Variants in SIPA1L3 observed in about 807,000 individuals in gnomAD.
SIPA1L3 encodes signal induced proliferation associated 1 like 3.
In SIPA1L3, 59 loss-of-function variants were observed where a neutral mutation model predicts 150.1. The observed-to-expected ratio is 0.39, with a 90% confidence interval of 0.32 to 0.49. The LOEUF is 0.49. Ranked by LOEUF, SIPA1L3 falls within the 20% of genes least tolerant of loss-of-function variation. SIPA1L3 has a pLI of 0.86. For missense variants in SIPA1L3, 2,211 were observed against 2,489.5 expected, an observed-to-expected ratio of 0.89 and a Z score of 2.38; for synonymous variants, 1,070 against 1,077.6, an observed-to-expected ratio of 0.99 and a Z score of 0.14.
chr19:38,164,575 C>G lies in SIPA1L3; in HGVS notation c.3877C>G (p.Pro1293Ala). The change falls in exon 15 of 22, where the codon CCC (proline) becomes GCC (alanine). Residue 1293 changes from proline to alanine, a missense_variant. Transcript: ENST00000222345. This position sits in a 1 kb window ranked among gnomAD's most constrained non-coding sequence, Gnocchi z 4.1. ...CGACCGCTGGTTCGACCCCCTGGAC[C>G]CCCTGGAGCCAGAGCAAGACCCCCT... Reference protein sequence around the residue: ...SDDRWFDPLDPLEPEQDPLSK... With the variant: ...SDDRWFDPLDALEPEQDPLSK... 2 of 1,614,126 alleles carry G rather than the reference C, an allele frequency of 1.2e-6. No individual in the cohort carries two copies. The highest frequency in any genetic ancestry group is 1.7e-6 in the Non-Finnish European group (2 of 1,180,020).
chr19:37,958,682 A>G (rs991858034), intron 1 of SIPA1L3, among the ~76,000 whole-genome samples: 12 of 152,222 alleles, frequency 7.9e-5, no homozygotes, highest in African/African-American at 2.9e-4. Flanking sequence ...AGAAAAAAAT[A>G]GACACATTGG....
chr19:38,121,267 T>C (rs1046733032), intron 9 of SIPA1L3, among the ~76,000 whole-genome samples: 2 of 151,974 alleles, frequency 1.3e-5, no homozygotes, highest in African/African-American at 4.8e-5. Flanking sequence ...TGAAACCCCA[T>C]CTCTACTAAA....
chr19:37,948,078 C>T (rs1208549722), intron 1 of SIPA1L3, among the ~76,000 whole-genome samples: 1 of 152,208 alleles, frequency 6.6e-6, no homozygotes, highest in Non-Finnish European at 1.5e-5. Flanking sequence ...TTAATGGTGG[C>T]CACTTAGGCA....
At chr19:37,959,957 C>T (rs2046842930) in intron 1 of SIPA1L3, among the ~76,000 whole-genome samples, 1 of 150,978 alleles carries the variant, frequency 6.6e-6, no homozygotes, top group Admixed American at 6.6e-5. Flanking sequence ...TTTTCTTTTC[C>T]CTCTTTTGTG....
chr19:37,922,695 G>A (rs1239813985), intron 1 of SIPA1L3, among the ~76,000 whole-genome samples: 6 of 151,744 alleles, frequency 4.0e-5, no homozygotes, highest in Non-Finnish European at 7.4e-5. Context: ...GCCCGGCCTT[G>A]ATTTTTAAAC....
At position 38,206,901 on chromosome 19, in the gene SIPA1L3, A is replaced by G. The variant is rs1973230269; in HGVS notation, c.*661A>G. 1 of 152,630 alleles carries G rather than the reference A, an allele frequency of 6.6e-6. No homozygotes were observed. The highest frequency in any genetic ancestry group is 1.5e-5 in the Non-Finnish European group (1 of 68,066). The allele number at this position is 152,630 out of a possible 1,614,324, so 9.5% of individuals were successfully genotyped here. A position where few individuals can be genotyped will look rare whatever the true frequency, so the allele number is the denominator to read the frequency against. Reference sequence around the variant, plus strand: ...CCTGAGGATAGAGAGAGGCAAGGCTAGCCTCCAGAGCCGATTTATTTGAGA... The same window carrying G: ...CCTGAGGATAGAGAGAGGCAAGGCTGGCCTCCAGAGCCGATTTATTTGAGA... On this transcript the variant is annotated 3_prime_UTR_variant, in exon 22 of 22. Coordinates refer to ENST00000222345, the MANE Select transcript of SIPA1L3 (RefSeq NM_015073.3).
intron 9 of SIPA1L3, among the ~76,000 whole-genome samples, chr19:38,124,078 G>A (rs1022870426): frequency 2.2e-4 from 33 of 150,152 alleles, no homozygotes; most frequent in Non-Finnish European, 3.3e-4. Flanking sequence ...CCTCCCGGAC[G>A]GGGCGGCTGG....
chr19:37,956,564 A>G (rs965212169), intron 1 of SIPA1L3, among the ~76,000 whole-genome samples: 5 of 147,824 alleles, frequency 3.4e-5, no homozygotes, highest in African/African-American at 1.3e-4. Flanking sequence ...GCTCACTGCA[A>G]TCTCTGCCTC....
chr19:38,000,896 A>ATATATATATATAACATATATATATATGT (rs1568495849), intron 1 of SIPA1L3, among the ~76,000 whole-genome samples: 20 of 19,586 alleles, frequency 1.0e-3, no homozygotes, highest in Admixed American at 4.7e-3. Flanking sequence ...TATATATGTT[A>ATATATATATATAACATATATATATATGT]TATATATATA....
intron 1 of SIPA1L3, among the ~76,000 whole-genome samples, chr19:37,995,233 C>T (rs945405750): frequency 6.6e-6 from 1 of 152,098 alleles, no homozygotes; most frequent in Non-Finnish European, 1.5e-5. Flanking sequence ...ATGTCTGTAC[C>T]GTGAGAGACA....
At chr19:37,953,177 G>C (rs547220015) in intron 1 of SIPA1L3, among the ~76,000 whole-genome samples, 1 of 152,320 alleles carries the variant, frequency 6.6e-6, no homozygotes, top group South Asian at 2.1e-4. Flanking sequence ...CCTATCCATA[G>C]AGGGGGCCCA....
intron 2 of SIPA1L3, among the ~76,000 whole-genome samples, chr19:38,076,319 CACAA>C (rs1350298808): frequency 6.6e-6 from 1 of 152,042 alleles, no homozygotes; most frequent in Non-Finnish European, 1.5e-5. Flanking sequence ...CTTACACACA[CACAA>C]ACACACTGCC....
intron 17 of SIPA1L3, among the ~76,000 whole-genome samples, 158 bp from the exon 18 acceptor site, chr19:38,193,379 G>GAGGAAGGGAGGGAGGGAGGA (rs1568603451): frequency 4.6e-5 from 6 of 129,802 alleles, no homozygotes; most frequent in African/African-American, 1.7e-4. Context: ...AGGGGGGAGG[G>GAGGAAGGGAGGGAGGGAGGA]AGGAAGGGAG....
Position 38,142,681 on chromosome 19 carries a change from C to T in SIPA1L3, c.3504C>T (p.Thr1168=). ...SGSFSTPGSA[T]YVRYKPSPER... ...GCTTCTCCACCCCCGGTTCGGCCAC[C>T]TACGTGAGATACAAGCCATCCCCAG... Residue 1168 remains threonine (T), a synonymous_variant, in exon 12 of 22, where the codon ACC becomes ACT. Coordinates refer to ENST00000222345, the MANE Select transcript of SIPA1L3 (RefSeq NM_015073.3). 1 of 1,614,034 alleles carries T rather than the reference C, an allele frequency of 6.2e-7. No individual in the cohort carries two copies. Among genetic ancestry groups the T allele is most frequent in the African/African-American group, 1.3e-5 (1 of 75,046 alleles).
Position 38,177,154 on chromosome 19 carries a change from G to A in SIPA1L3, c.4209-5365G>A, listed in dbSNP as rs934629869. ...AGGTGGGCAGATCATGAGGTCAGGA[G>A]ATCGAGACCACCCTGGCTAACACGG... On this transcript the variant is annotated intron_variant, in intron 15 of 21. Transcript: ENST00000222345. 3.9e-5 allele frequency among the ~76,000 whole-genome samples: 6 copies of A among 151,948 alleles called. 1 individual carries two copies. The highest frequency in any genetic ancestry group is 1.2e-4 in the African/African-American group (5 of 41,374).
intron 18 of SIPA1L3, among the ~76,000 whole-genome samples, chr19:38,194,637 G>T (rs983942124): frequency 1.3e-5 from 2 of 152,212 alleles, no homozygotes; most frequent in Admixed American, 6.5e-5. Context: ...TACCCCAAGG[G>T]TCTCAGCTGA....
At chr19:38,060,305 G>A (rs1184185092) in intron 2 of SIPA1L3, among the ~76,000 whole-genome samples, 1 of 152,104 alleles carries the variant, frequency 6.6e-6, no homozygotes, top group East Asian at 1.9e-4. Context: ...TGCATTTCTG[G>A]TCCTAAAGCC....
chr19:38,069,257 C>T (rs914257767), intron 2 of SIPA1L3, among the ~76,000 whole-genome samples: 3 of 152,226 alleles, frequency 2.0e-5, no homozygotes, highest in African/African-American at 2.4e-5. Flanking sequence ...CGGAGGGAGG[C>T]GAGGACAAGG....
At chr19:38,141,745 G>A (rs1202082064) in intron 11 of SIPA1L3, among the ~76,000 whole-genome samples, 2 of 152,214 alleles carry the variant, frequency 1.3e-5, no homozygotes, top group Non-Finnish European at 2.9e-5. Flanking sequence ...CATTTTGGGA[G>A]GTCAAGGCAG....
Sources: gnomAD v4.1 joint callset for allele counts (sites outside exome capture counted in the v4.1 genomes callset) on GRCh38, gnomAD v4.1.1 for gene constraint, Gnocchi (gnomAD v3.1) non-coding constraint, MANE v1.5 for transcripts, NCBI Gene and HGNC (gene_info 2026-07-23, HGNC 2026-07-21) for gene names.